IL23R: variants seen among roughly 807,000 people sequenced by gnomAD.
IL23R encodes the protein interleukin 23 receptor, also known as interleukin-23 receptor.
A neutral mutation model predicts 56.9 loss-of-function variants in IL23R; 34 were observed. The observed-to-expected ratio is 0.60, with a 90% CI of 0.45 to 0.80. The LOEUF is 0.80. Among genes scored for constraint, IL23R ranks in the 30% least tolerant of loss-of-function variants. The pLI, the probability that IL23R is intolerant of heterozygous loss-of-function variation, is 0.00. For synonymous variants in IL23R, 230 were observed against 249.2 expected, an observed-to-expected ratio of 0.92 and a Z score of 0.73; for missense variants, 635 against 730.0, an observed-to-expected ratio of 0.87 and a Z score of 1.50.
intron 5 of IL23R, among the ~76,000 whole-genome samples, chr1:67,205,873 ATCTTTCTT>A (rs200498214): frequency 0.11 from 15,711 of 139,070 alleles, 994 homozygotes; most frequent in South Asian, 0.16. Context: ...TTGAACATCC[ATCTTTCTT>A]TCTTTCTTTC....
intron 1 of IL23R, among the ~76,000 whole-genome samples, chr1:67,153,148 G>A (rs1163436179): frequency 2.6e-5 from 4 of 152,122 alleles, no homozygotes; most frequent in African/African-American, 7.2e-5. Flanking sequence ...TCTATCCAGG[G>A]ATTTGACTTC....
intron 4 of IL23R, among the ~76,000 whole-genome samples, chr1:67,191,085 A>T (rs1185631770): frequency 6.6e-6 from 1 of 152,180 alleles, no homozygotes; most frequent in Non-Finnish European, 1.5e-5. Flanking sequence ...TTGCTGACTG[A>T]TACTGCTTTA....
chr1:67,240,107 A>C (rs1035132223), intron 8 of IL23R, 72 bp from the exon 9 acceptor site: 3 of 1,091,882 alleles, frequency 2.7e-6, no homozygotes, highest in Admixed American at 1.7e-5. Flanking sequence ...GAGCAGAGTA[A>C]AGAGAATAGT....
intron 6 of IL23R, among the ~76,000 whole-genome samples, chr1:67,218,333 T>C (rs949465065): frequency 8.8e-4 from 47 of 53,580 alleles, no homozygotes; most frequent in Admixed American, 3.4e-3. Context: ...CATATGTGTG[T>C]GTGTGTGTGT....
chr1:67,139,753 G>C (rs1646618226), intron 1 of IL23R, among the ~76,000 whole-genome samples: 1 of 152,082 alleles, frequency 6.6e-6, no homozygotes, highest in Non-Finnish European at 1.5e-5. Context: ...ATGTTGCCTA[G>C]GCTAGTTTCA....
chr1:67,234,814 T>C (rs1651359419), intron 7 of IL23R, among the ~76,000 whole-genome samples: 1 of 150,538 alleles, frequency 6.6e-6, no homozygotes, highest in Non-Finnish European at 1.5e-5. Context: ...TTCAAGTGAT[T>C]CTCCTGCCTC....
intron 7 of IL23R, among the ~76,000 whole-genome samples, chr1:67,230,724 C>T (rs1442332601): frequency 6.6e-6 from 1 of 152,130 alleles, no homozygotes; most frequent in Non-Finnish European, 1.5e-5. Flanking sequence ...TGATTCATTG[C>T]TTGACTTGTT....
Position 67,169,561 on chromosome 1 carries a change from C to T in IL23R, c.290C>T (p.Ala97Val). 1 of 1,613,842 alleles carries T rather than the reference C, an allele frequency of 6.2e-7. No individual in the cohort carries two copies. The highest frequency in any genetic ancestry group is 8.5e-7 in the Non-Finnish European group (1 of 1,179,726). ...TATAAAAACTTTCTGGAACCACATG[C>T]TTCTATGTACTGCACTGCTGAATGT... ...LWYKNFLEPH[A>V]SMYCTAECPK... The change falls in exon 3 of 11, where the codon GCT (alanine) becomes GTT (valine). Residue 97 changes from alanine (A) to valine (V), a missense_variant. Physicochemically the swap from Ala to Val is moderately conservative, Grantham distance 64. Transcript: ENST00000347310.
Position 67,169,334 on chromosome 1 carries a change from A to G in IL23R, c.71-8A>G. On this transcript the variant is annotated splice_polypyrimidine_tract_variant and splice_region_variant and intron_variant, in intron 2 of 10. Coordinates refer to ENST00000347310, the MANE Select transcript of IL23R (RefSeq NM_144701.3). ...CGTGTAATTTATTATTTTTCCATTTATTTCTAGGAATTACAAATATAAACT... is the reference window on the plus strand; with the variant it reads ...CGTGTAATTTATTATTTTTCCATTTGTTTCTAGGAATTACAAATATAAACT... 1 of 1,594,374 alleles carries G rather than the reference A, an allele frequency of 6.3e-7. No homozygotes were observed. Among genetic ancestry groups the G allele is most frequent in the Non-Finnish European group, 8.6e-7 (1 of 1,166,244 alleles).
rs116730624 is a variant in IL23R, at chr1:67,171,131, T to C, written c.367+1493T>C. 9.5e-3 allele frequency among the ~76,000 whole-genome samples: 1,454 copies of C among 152,274 alleles called. 10 individuals carry two copies. The highest frequency in any genetic ancestry group is 0.028 in the South Asian group (137 of 4,828). On this transcript the variant is annotated intron_variant, in intron 3 of 10. Coordinates refer to ENST00000347310, the MANE Select transcript of IL23R (RefSeq NM_144701.3). ...ACCAAACCTCAATGCCCAAATACTT[T>C]ACTATTTATCCTTTGGGGGTGGGAG...
Position 67,259,333 on chromosome 1 carries a change from A to T in IL23R, c.*205A>T, listed in dbSNP as rs1653118100. 1.7e-6 allele frequency: 1 copy of T among 573,750 alleles called. No homozygotes were observed. Among genetic ancestry groups the T allele is most frequent in the Admixed American group, 3.0e-5 (1 of 33,360 alleles). The allele number at this position is 573,750 out of a possible 1,614,324, so 35.5% of individuals were successfully genotyped here. ...TATGATAAGCATATGTTTCAGTTCT[A>T]CCAATCTTGTTTCCAGAGTAGTGAC... On this transcript the variant is annotated 3_prime_UTR_variant, in exon 11 of 11. Coordinates refer to ENST00000347310, the MANE Select transcript of IL23R (RefSeq NM_144701.3).
At chr1:67,183,888 G>C (rs1647201122) in intron 4 of IL23R, among the ~76,000 whole-genome samples, 1 of 152,104 alleles carries the variant, frequency 6.6e-6, no homozygotes, top group Non-Finnish European at 1.5e-5. Flanking sequence ...GGGCAAACTA[G>C]GACAAGTTGC....
Position 67,258,958 on chromosome 1 carries a change from C to G in IL23R, c.1720C>G (p.Leu574Val). 2 of 1,614,120 alleles carry G rather than the reference C, an allele frequency of 1.2e-6. No homozygotes were observed. The highest frequency in any genetic ancestry group is 1.7e-6 in the Non-Finnish European group (2 of 1,180,004). The change falls in exon 11 of 11, where the codon CTT becomes GTT. Residue 574 changes from leucine to valine, a missense_variant. Physicochemically the swap from Leu to Val is conservative, Grantham distance 32 (BLOSUM62 1). Coordinates refer to ENST00000347310, the MANE Select transcript of IL23R (RefSeq NM_144701.3). ...QNSVEEETTMLLENDSPSETI... is the reference protein window; with the variant it reads ...QNSVEEETTMVLENDSPSETI... ...CTCAGTAGAGGAGGAAACCACCATGCTTTTGGAAAATGATTCACCCAGTGA... is the reference window on the plus strand; with the variant it reads ...CTCAGTAGAGGAGGAAACCACCATGGTTTTGGAAAATGATTCACCCAGTGA...
chr1:67,249,057 G>A (rs956540586), intron 9 of IL23R, among the ~76,000 whole-genome samples: 7 of 152,062 alleles, frequency 4.6e-5, no homozygotes, highest in East Asian at 3.9e-4. Flanking sequence ...GAAATAACCC[G>A]CCTTCTGCGT....
intron 9 of IL23R, among the ~76,000 whole-genome samples, chr1:67,242,039 T>A (rs1651888029): frequency 6.6e-6 from 1 of 152,222 alleles, no homozygotes; most frequent in Non-Finnish European, 1.5e-5. Flanking sequence ...TAAAGTTTTT[T>A]GTGTAACCAT....
At chr1:67,201,551 C>CAA (rs1231175917) in intron 5 of IL23R, among the ~76,000 whole-genome samples, 42 of 85,320 alleles carry the variant, frequency 4.9e-4, no homozygotes, top group African/African-American at 7.7e-4. Context: ...CTAGGGAAGG[C>CAA]AAAAAAAAAA....
intron 4 of IL23R, among the ~76,000 whole-genome samples, chr1:67,185,758 C>T (rs1214355084): frequency 6.6e-6 from 1 of 152,130 alleles, no homozygotes; most frequent in South Asian, 2.1e-4. Flanking sequence ...TGGCAAGAGG[C>T]GTACACCTTT....
At chr1:67,165,522 T>C (rs981506360), upstream of IL23R, among the ~76,000 whole-genome samples, 1 of 152,324 alleles carries the variant, frequency 6.6e-6, no homozygotes, top group Admixed American at 6.5e-5. Context: ...CCTTCCCATG[T>C]TCATGAAGCG....
chr1:67,191,373 G>A (rs1264406821), intron 4 of IL23R, among the ~76,000 whole-genome samples: 1 of 152,018 alleles, frequency 6.6e-6, no homozygotes, highest in Admixed American at 6.6e-5. Flanking sequence ...TATTGCTATG[G>A]ATGAATTACC....
Sources: allele counts gnomAD v4.1 joint callset (sites outside exome capture counted in the v4.1 genomes callset), GRCh38; gene constraint gnomAD v4.1.1; transcripts MANE v1.5; gene names NCBI Gene and HGNC (gene_info 2026-07-23, HGNC 2026-07-21).